The following CYYR1 variants were observed in gnomAD, a reference collection of about 807,000 sequenced individuals.
CYYR1 encodes cysteine and tyrosine-rich protein 1.
CYYR1 carries 14 observed loss-of-function variants against 15.2 expected under a neutral mutation model. That is an observed-to-expected ratio of 0.92 (90% CI 0.61 to 1.44). CYYR1 has a LOEUF of 1.44. Ranked by LOEUF, CYYR1 falls within the 40% of genes most tolerant of loss-of-function variation. CYYR1 has a pLI of 0.00. For synonymous variants in CYYR1, 80 were observed against 77.4 expected (o/e 1.03, Z -0.18); for missense variants, 228 against 209.5 (o/e 1.09, Z -0.54).
chr21:26,503,280 T>C (rs979344), intron 2 of CYYR1, among the ~76,000 whole-genome samples: 54,632 of 151,950 alleles, frequency 0.36, 10,227 homozygotes, highest in South Asian at 0.43. Flanking sequence ...CTGACTTCTT[T>C]AGTCACTTGT....
At chr21:26,493,825 GT>G (rs961537517) in intron 2 of CYYR1, among the ~76,000 whole-genome samples, 6 of 152,074 alleles carry the variant, frequency 3.9e-5, no homozygotes, top group Non-Finnish European at 5.9e-5. Flanking sequence ...AACCACCTTT[GT>G]TTTCCAAAGA....
chr21:26,502,989 T>A (rs1438483623), intron 2 of CYYR1, among the ~76,000 whole-genome samples: 1 of 152,216 alleles, frequency 6.6e-6, no homozygotes, highest in African/African-American at 2.4e-5. Flanking sequence ...CAAAAGTCTC[T>A]GTTTTATACT....
rs764360620 is a variant in CYYR1, at chr21:26,468,634, G to A, written c.335C>T (p.Ala112Val). 6.3e-7 allele frequency: 1 copy of A among 1,594,524 alleles called. No individual in the cohort carries two copies. The highest frequency in any genetic ancestry group is 1.3e-5 in the African/African-American group (1 of 74,258). ...THINTVSSYPAGPPPYGHDHE... is the reference protein window; with the variant it reads ...THINTVSSYPVGPPPYGHDHE... ...GTCGTGACCGTAGGGTGGTGGTCCT[G>A]CTGAAAAAGAAGGGGAAGAGAACAT... Residue 112 changes from alanine (A) to valine (V), a missense_variant and splice_region_variant, in exon 4 of 4, where the codon GCA (alanine) becomes GTA (valine). Coordinates refer to ENST00000652641, the MANE Select transcript of CYYR1 (RefSeq NM_001320768.2).
rs984012632 is a variant in CYYR1 at position 26,573,172 on chromosome 21, G to T, written c.-232C>A. ...CCCGTGGCCCGAGACGGGCTGCGCTGGGGGCCCAGGTCTCTTTGTCTCGCC... is the reference window on the plus strand; with the variant it reads ...CCCGTGGCCCGAGACGGGCTGCGCTTGGGGCCCAGGTCTCTTTGTCTCGCC... On this transcript the variant is annotated 5_prime_UTR_variant, in exon 1 of 4. Transcript: ENST00000652641. 3.4e-6 allele frequency: 5 copies of T among 1,477,830 alleles called. No individual in the cohort carries two copies. In the Admixed American group the frequency reaches 6.3e-5, roughly 19 times the overall value. The allele number at this position is 1,477,830 out of a possible 1,614,324, so 91.5% of individuals were successfully genotyped here.
intron 2 of CYYR1, among the ~76,000 whole-genome samples, chr21:26,490,777 G>A (rs2065316741): frequency 6.6e-6 from 1 of 152,136 alleles, no homozygotes; most frequent in Non-Finnish European, 1.5e-5. Context: ...TTCCACCACG[G>A]AGCTGAGTAG....
chr21:26,524,561 CA>C (rs1336650974), intron 2 of CYYR1, among the ~76,000 whole-genome samples: 1 of 152,196 alleles, frequency 6.6e-6, no homozygotes, highest in East Asian at 1.9e-4. Flanking sequence ...TTGCTTTAGG[CA>C]GTTTTGTTGG....
chr21:26,506,057 AGCAT>A (rs2065556570), intron 2 of CYYR1, among the ~76,000 whole-genome samples: 1 of 152,128 alleles, frequency 6.6e-6, no homozygotes, highest in Admixed American at 6.5e-5. Flanking sequence ...ACCAACATAT[AGCAT>A]GCATCCGTCA....
chr21:26,492,550 A>G (rs1198035559), intron 2 of CYYR1, among the ~76,000 whole-genome samples: 1 of 152,234 alleles, frequency 6.6e-6, no homozygotes, highest in African/African-American at 2.4e-5. Flanking sequence ...AGCTAGAATT[A>G]TAAAGAATGA....
intron 2 of CYYR1, among the ~76,000 whole-genome samples, chr21:26,554,518 C>A (rs561326589): frequency 1.3e-5 from 2 of 152,036 alleles, no homozygotes; most frequent in East Asian, 1.9e-4. Context: ...AGCAGGACAC[C>A]GTACTTAATT....
Position 26,475,387 on chromosome 21 carries a change from T to C in CYYR1, c.334+4885A>G, listed in dbSNP as rs147509467. On this transcript the variant is annotated intron_variant, in intron 3 of 3. Coordinates refer to ENST00000652641, the MANE Select transcript of CYYR1 (RefSeq NM_001320768.2). ...CTTACATATGCTGTACATAAATAAA[T>C]TGTCTCTGATCGTGCTGTACATAAT... is the stretch of plus-strand genomic sequence containing the variant. Among the ~76,000 whole-genome samples, 13 of 152,286 alleles carry C rather than the reference T, an allele frequency of 8.5e-5. No individual in the cohort carries two copies. In the East Asian group the frequency reaches 2.3e-3, roughly 27 times the overall value.
At chr21:26,552,753 C>A (rs1020707481) in intron 2 of CYYR1, among the ~76,000 whole-genome samples, 1 of 152,012 alleles carries the variant, frequency 6.6e-6, no homozygotes, top group Non-Finnish European at 1.5e-5. Flanking sequence ...AATATAGAAA[C>A]CTTATCATCT....
chr21:26,541,258 A>C (rs1414093967), intron 2 of CYYR1, among the ~76,000 whole-genome samples: 1 of 152,158 alleles, frequency 6.6e-6, no homozygotes, highest in African/African-American at 2.4e-5. Flanking sequence ...TACAGACTCA[A>C]AAACCTCACG....
rs1050182504 is a variant in CYYR1, at chr21:26,517,031, C to G, written c.177-36602G>C. On this transcript the variant is annotated intron_variant, in intron 2 of 3. Coordinates refer to ENST00000652641, the MANE Select transcript of CYYR1 (RefSeq NM_001320768.2). ...TCGGGAGGCTGAGGCAGGAGAATGG[C>G]GTGAACCCGGGAGGCGGAGCTTGCA... 7.1e-4 allele frequency among the ~76,000 whole-genome samples: 96 copies of G among 134,470 alleles called. 1 individual carries two copies. The East Asian group carries it at 0.022, about 31-fold the overall frequency. 88.2% of individuals were successfully genotyped at this position (134,470 alleles called of 152,430 possible).
chr21:26,469,681 A>G (rs569554429), intron 3 of CYYR1, among the ~76,000 whole-genome samples: 2 of 152,060 alleles, frequency 1.3e-5, no homozygotes, highest in Non-Finnish European at 2.9e-5. Flanking sequence ...ATTATTGTTG[A>G]CTATAGTCAT....
chr21:26,559,481 T>C (rs556541693), intron 2 of CYYR1, among the ~76,000 whole-genome samples: 2 of 152,280 alleles, frequency 1.3e-5, no homozygotes, highest in African/African-American at 4.8e-5. Context: ...CAGTTCGGTG[T>C]TTTTTAGTAA....
chr21:26,476,727 C>T (rs954116677), intron 3 of CYYR1, among the ~76,000 whole-genome samples: 1 of 151,980 alleles, frequency 6.6e-6, no homozygotes. Flanking sequence ...AAATCTCTTG[C>T]TTTCCTTTTG....
At position 26,559,165 on chromosome 21, in the gene CYYR1, G is replaced by A. The variant is rs527585811; in HGVS notation, c.176+7101C>T. 4.6e-5 allele frequency among the ~76,000 whole-genome samples: 7 copies of A among 152,300 alleles called. No individual in the cohort carries two copies. The South Asian group carries it at 6.2e-4, about 14-fold the overall frequency. On this transcript the variant is annotated intron_variant, in intron 2 of 3. Coordinates refer to ENST00000652641, the MANE Select transcript of CYYR1 (RefSeq NM_001320768.2). ...CGGAGTATTTGAGCCCAATGGGTAT[G>A]AGACGGTATTTCAATGTTTTAAGTT...
intron 2 of CYYR1, among the ~76,000 whole-genome samples, chr21:26,488,238 C>A (rs941244889): frequency 7.9e-6 from 1 of 127,064 alleles, no homozygotes; most frequent in Non-Finnish European, 1.6e-5. Context: ...ACATCTTCCC[C>A]TACTTCCTTC....
At chr21:26,483,317 C>T (rs1412891603) in intron 2 of CYYR1, 2 of 310,442 alleles carry the variant, frequency 6.4e-6, no homozygotes, top group African/African-American at 4.5e-5. Context: ...ATTTCCTCGT[C>T]CTGTCTGGGT....
Sources: allele counts gnomAD v4.1 joint callset (sites outside exome capture counted in the v4.1 genomes callset), GRCh38; gene constraint gnomAD v4.1.1; transcripts MANE v1.5; gene names NCBI Gene and HGNC (gene_info 2026-07-23, HGNC 2026-07-21).